The following MGST2 variants were observed in gnomAD, a reference collection of about 807,000 sequenced individuals.
The protein encoded by MGST2 is glutathione peroxidase MGST2.
Under a neutral mutation model 16.6 loss-of-function variants are expected in MGST2, and 9 were observed. That is an observed-to-expected ratio of 0.54 (90% CI 0.33 to 0.95). The LOEUF is 0.95. Ranked by LOEUF, MGST2 falls within the 40% of genes least tolerant of loss-of-function variation. The pLI, the probability that MGST2 is intolerant of heterozygous loss-of-function variation, is 0.03. For missense variants in MGST2, 159 were observed against 175.1 expected (o/e 0.91, Z 0.52); for synonymous variants, 79 against 68.0 (o/e 1.16, Z -0.79).
At chr4:139,738,572 C>T (rs1729039777) in intron 5 of MGST2, among the ~76,000 whole-genome samples, 1 of 152,046 alleles carries the variant, frequency 6.6e-6, no homozygotes, top group Admixed American at 6.6e-5. Flanking sequence ...GTCTTGGTCC[C>T]CATTATTTTA....
intron 5 of MGST2, chr4:139,731,451 A>AT (rs1728713833): frequency 6.4e-6 from 1 of 156,340 alleles, no homozygotes; most frequent in African/African-American, 3.2e-5. Flanking sequence ...AAAAAAAAAA[A>AT]AAAAAAAAAA....
chr4:139,708,063 A>G (rs1727589768), downstream of MGST2, among the ~76,000 whole-genome samples: 2 of 152,230 alleles, frequency 1.3e-5, no homozygotes. Flanking sequence ...GAGTTTAATT[A>G]GATCCCGTTT....
At chr4:139,708,476 T>C (rs185109598), downstream of MGST2, among the ~76,000 whole-genome samples, 1 of 152,344 alleles carries the variant, frequency 6.6e-6, no homozygotes, top group Non-Finnish European at 1.5e-5. Context: ...CCTTGTAGTA[T>C]AGTTTGAAGT....
chr4:139,748,650 GC>G, the MGST2 span, among the ~76,000 whole-genome samples: 48,842 of 151,958 alleles, frequency 0.32, 8,059 homozygotes, highest in Admixed American at 0.37. Context: ...CCACAGCTGT[GC>G]TTTCTATAGT....
At position 139,735,581 on chromosome 4, in the gene MGST2, G is replaced by GC. The variant is rs1299544821; in HGVS notation, c.*49-4629dup. On this transcript the variant is annotated intron_variant, in intron 5 of 5. Transcript: ENST00000616265. This position sits in a 1 kb window ranked among gnomAD's most constrained non-coding sequence, Gnocchi z 5.8. ...CCGGGGAGGGGGCGATAAGGAGCGA[G>GC]CCTCGGGTCGGCCCGGCACCGCTGC... 6.6e-6 allele frequency among the ~76,000 whole-genome samples: 1 copy of GC among 152,134 alleles called. No individual in the cohort carries two copies. The highest frequency in any genetic ancestry group is 1.5e-5 in the Non-Finnish European group (1 of 68,004).
At chr4:139,692,862 G>A (rs1021341202) in intron 2 of MGST2, among the ~76,000 whole-genome samples, 2 of 152,176 alleles carry the variant, frequency 1.3e-5, no homozygotes, top group African/African-American at 4.8e-5. Context: ...TTGGACTTAG[G>A]ACATTCTTAC....
the MGST2 span, among the ~76,000 whole-genome samples, chr4:139,750,723 C>T: frequency 2.0e-5 from 3 of 152,132 alleles, no homozygotes; most frequent in African/African-American, 7.2e-5. Context: ...TATATTCTAC[C>T]TAAAAATGGC....
At chr4:139,704,295 T>C, downstream of MGST2, 1 of 1,064,076 alleles carries the variant, frequency 9.4e-7, no homozygotes, top group African/African-American at 1.6e-5. Flanking sequence ...ACATTTCCTG[T>C]TTAAGAACTG....
At chr4:139,670,483 G>T (rs1197974125) in intron 1 of MGST2, among the ~76,000 whole-genome samples, 1 of 152,142 alleles carries the variant, frequency 6.6e-6, no homozygotes, top group Non-Finnish European at 1.5e-5. Flanking sequence ...TATTGGTTCG[G>T]CCCCAAAAGG....
intron 2 of MGST2, among the ~76,000 whole-genome samples, chr4:139,682,692 T>A (rs1731318115): frequency 6.6e-6 from 1 of 152,066 alleles, no homozygotes; most frequent in South Asian, 2.1e-4. Context: ...ATAGAGGCAT[T>A]GGTAGAAGCA....
chr4:139,665,992 G>A lies in MGST2; in HGVS notation c.-28G>A. ...CAAGAAGCGCCATTTATCTTCCCGT[G>A]CGCTCTACAAATAGTTCCGTGAGAA... On this transcript the variant is annotated 5_prime_UTR_variant, in exon 1 of 5. Transcript: ENST00000265498. 6.2e-7 allele frequency: 1 copy of A among 1,613,256 alleles called. No individual in the cohort carries two copies. The highest frequency in any genetic ancestry group is 8.5e-7 in the Non-Finnish European group (1 of 1,179,284).
At chr4:139,689,660 A>C (rs1302433610) in intron 2 of MGST2, among the ~76,000 whole-genome samples, 1 of 152,212 alleles carries the variant, frequency 6.6e-6, no homozygotes, top group Non-Finnish European at 1.5e-5. Context: ...ATCAGAAGCA[A>C]ACAGAAAACC....
chr4:139,689,600 G>T (rs577977485), intron 2 of MGST2, among the ~76,000 whole-genome samples: 11 of 152,306 alleles, frequency 7.2e-5, no homozygotes, highest in Middle Eastern at 3.4e-3. Flanking sequence ...GCTCATGGCA[G>T]TGTACAGCCC....
chr4:139,744,734 A>T (rs1046390940), downstream of MGST2, among the ~76,000 whole-genome samples: 1 of 152,118 alleles, frequency 6.6e-6, no homozygotes, highest in East Asian at 1.9e-4. Flanking sequence ...GGAGACTGAA[A>T]TCCTAGTGCA....
intron 5 of MGST2, chr4:139,719,782 G>A: frequency 6.2e-7 from 1 of 1,613,674 alleles, no homozygotes; most frequent in Non-Finnish European, 8.5e-7. Context: ...GAGGGTAGCT[G>A]GCGCCATTGT....
At chr4:139,681,622 G>C (rs572224470) in intron 2 of MGST2, among the ~76,000 whole-genome samples, 106 of 152,250 alleles carry the variant, frequency 7.0e-4, no homozygotes, top group African/African-American at 2.5e-3. Flanking sequence ...TTTCATTGAT[G>C]TAGTTTATTC....
intron 2 of MGST2, among the ~76,000 whole-genome samples, chr4:139,680,640 C>T (rs1303125735): frequency 6.6e-6 from 1 of 152,090 alleles, no homozygotes; most frequent in Non-Finnish European, 1.5e-5. Flanking sequence ...GTGGAGTGCA[C>T]CCTTCAGAAG....
chr4:139,739,115 C>A (rs1328298856), intron 5 of MGST2, among the ~76,000 whole-genome samples: 1 of 152,188 alleles, frequency 6.6e-6, no homozygotes, highest in African/African-American at 2.4e-5. Flanking sequence ...TTACTGAACT[C>A]AACTGACTAA....
chr4:139,685,329 A>T (rs912207215), intron 2 of MGST2: 2 of 161,634 alleles, frequency 1.2e-5, no homozygotes, highest in Non-Finnish European at 2.9e-5. Context: ...TGGAGTGGGG[A>T]GGGAGGAAGG....
Sources: gnomAD v4.1 joint callset for allele counts (sites outside exome capture counted in the v4.1 genomes callset) on GRCh38, gnomAD v4.1.1 for gene constraint, Gnocchi (gnomAD v3.1) non-coding constraint, MANE v1.5 for transcripts, NCBI Gene and HGNC (gene_info 2026-07-23, HGNC 2026-07-21) for gene names.